ARHGAP10: variants seen among roughly 807,000 people sequenced by gnomAD.
The protein encoded by ARHGAP10 is rho GTPase-activating protein 10.
In ARHGAP10, 87 loss-of-function variants were observed where a neutral mutation model predicts 108.6. The ratio of observed to expected loss-of-function variants is 0.80; its 90% CI spans 0.67 to 0.96. The LOEUF is 0.96. Ranked by LOEUF, ARHGAP10 falls within the 40% of genes least tolerant of loss-of-function variation. The pLI, the probability that ARHGAP10 is intolerant of heterozygous loss-of-function variation, is 0.00. For missense variants in ARHGAP10, 939 were observed against 954.5 expected (o/e 0.98, Z 0.21); for synonymous variants, 347 against 341.1 (o/e 1.02, Z -0.19).
chr4:148,040,807 A>G (rs1357054524), intron 19 of ARHGAP10, among the ~76,000 whole-genome samples: 1 of 146,878 alleles, frequency 6.8e-6, no homozygotes, highest in Non-Finnish European at 1.5e-5. Flanking sequence ...ATTTATTAAA[A>G]AAGATTTGGG....
intron 18 of ARHGAP10, among the ~76,000 whole-genome samples, chr4:147,968,794 A>AT (rs967321449): frequency 6.6e-6 from 1 of 152,150 alleles, no homozygotes; most frequent in African/African-American, 2.4e-5. Flanking sequence ...TATTAAAAAG[A>AT]TTTTTTTAAA....
At chr4:147,774,824 C>G (rs1046643354) in intron 1 of ARHGAP10, among the ~76,000 whole-genome samples, 1 of 152,000 alleles carries the variant, frequency 6.6e-6, no homozygotes, top group African/African-American at 2.4e-5. Flanking sequence ...AGAGTCTCAA[C>G]AGGACCCCCA....
chr4:147,950,421 C>T (rs138989309), intron 15 of ARHGAP10, among the ~76,000 whole-genome samples: 29 of 152,288 alleles, frequency 1.9e-4, no homozygotes, highest in African/African-American at 5.8e-4. Flanking sequence ...AGCCAGCCTG[C>T]CTGCCAGGGT....
intron 10 of ARHGAP10, among the ~76,000 whole-genome samples, chr4:147,901,494 C>A (rs1579178840): frequency 6.6e-6 from 1 of 152,162 alleles, no homozygotes; most frequent in African/African-American, 2.4e-5. Context: ...GAATTCTTTC[C>A]TTGTGAATGA....
At chr4:147,966,960 G>A (rs57437177) in intron 18 of ARHGAP10, 121 bp downstream of exon 18, 110,228 of 917,204 alleles carry the variant, frequency 0.12, 12,523 homozygotes, top group African/African-American at 0.53. Context: ...CATTCTCACT[G>A]TGATGAGCTT....
At chr4:147,949,839 A>T (rs1376112460) in intron 15 of ARHGAP10, among the ~76,000 whole-genome samples, 1 of 56,730 alleles carries the variant, frequency 1.8e-5, no homozygotes, top group East Asian at 3.7e-4. Context: ...AATAAATTGC[A>T]TTCTTTTTTC....
intron 13 of ARHGAP10, among the ~76,000 whole-genome samples, chr4:147,915,689 T>A (rs2126925306): frequency 6.6e-6 from 1 of 152,360 alleles, no homozygotes; most frequent in South Asian, 2.1e-4. Flanking sequence ...ACAAAAAGCA[T>A]ATATTTTTCT....
chr4:148,034,420 T>G (rs548213486), intron 19 of ARHGAP10, among the ~76,000 whole-genome samples: 6 of 152,008 alleles, frequency 3.9e-5, no homozygotes, highest in African/African-American at 1.4e-4. Flanking sequence ...CAGGTTCAAG[T>G]GATTCTCCTG....
At chr4:147,858,411 T>C (rs929837738) in intron 5 of ARHGAP10, 3 of 152,216 alleles carry the variant, frequency 2.0e-5, no homozygotes, top group African/African-American at 4.8e-5. Context: ...TAAACACTTA[T>C]TGAAGTATTA....
intron 1 of ARHGAP10, among the ~76,000 whole-genome samples, chr4:147,811,877 G>A (rs185349416): frequency 9.2e-5 from 14 of 152,326 alleles, no homozygotes; most frequent in Admixed American, 7.8e-4. Flanking sequence ...GTACCCCTTA[G>A]CTTTTGGAGC....
intron 3 of ARHGAP10, among the ~76,000 whole-genome samples, chr4:147,845,750 G>T (rs1481884988): frequency 6.6e-6 from 1 of 152,164 alleles, no homozygotes; most frequent in Non-Finnish European, 1.5e-5. Flanking sequence ...AATGACACAG[G>T]TGCTCATGTA....
intron 22 of ARHGAP10, among the ~76,000 whole-genome samples, chr4:148,068,232 C>T (rs988261535): frequency 6.6e-5 from 10 of 152,142 alleles, no homozygotes; most frequent in Non-Finnish European, 4.4e-5. Flanking sequence ...AGGAGCGACC[C>T]CACGTGGCAG....
At chr4:147,874,887 G>A in intron 7 of ARHGAP10, 134 bp from the exon 8 acceptor site, 3 of 917,306 alleles carry the variant, frequency 3.3e-6, no homozygotes, top group Non-Finnish European at 1.5e-6. Context: ...AAGAATGGGG[G>A]TATTTTGAGA....
In ARHGAP10 at chr4:148,072,309, G is replaced by A. The variant is rs571444367; in HGVS notation, c.*228G>A. 4 of 442,064 alleles carry A rather than the reference G, an allele frequency of 9.0e-6. No homozygotes were observed. The East Asian group carries it at 1.4e-4, about 16-fold the overall frequency. 27.4% of individuals were successfully genotyped at this position (442,064 alleles called of 1,614,324 possible). On this transcript the variant is annotated 3_prime_UTR_variant, in exon 23 of 23. Transcript: ENST00000336498. The stretch of plus-strand genomic sequence containing the variant: ...AGGGGAATGTCAGGATTCGCAAAAT[G>A]GACTTTTCATTTGTCAAGTATTGGG...
At chr4:147,745,127 A>T (rs777975055) in intron 1 of ARHGAP10, among the ~76,000 whole-genome samples, 1 of 152,082 alleles carries the variant, frequency 6.6e-6, no homozygotes, top group African/African-American at 2.4e-5. Flanking sequence ...CATGCCACAG[A>T]GAGGTCAAGT....
chr4:147,968,955 A>G (rs1230568068), intron 18 of ARHGAP10, among the ~76,000 whole-genome samples: 1 of 152,234 alleles, frequency 6.6e-6, no homozygotes, highest in East Asian at 1.9e-4. Flanking sequence ...AATATGTTAC[A>G]TAACTTATTT....
chr4:148,005,144 T>G (rs1296491423), intron 18 of ARHGAP10, among the ~76,000 whole-genome samples: 1 of 152,218 alleles, frequency 6.6e-6, no homozygotes, highest in East Asian at 1.9e-4. Flanking sequence ...GCTAGGCACA[T>G]TTATGCCTCA....
intron 20 of ARHGAP10, among the ~76,000 whole-genome samples, chr4:148,058,035 A>G (rs914411036): frequency 5.3e-5 from 8 of 152,202 alleles, no homozygotes; most frequent in East Asian, 3.9e-4. Flanking sequence ...GAGCCAAACA[A>G]TGTGCTTGCG....
chr4:147,944,376 A>G (rs1738289854), intron 14 of ARHGAP10, among the ~76,000 whole-genome samples: 1 of 152,240 alleles, frequency 6.6e-6, no homozygotes, highest in Admixed American at 6.5e-5. Flanking sequence ...AGTTGCTGTA[A>G]TCAAGAAATG....
Sources: gnomAD v4.1 joint callset for allele counts (sites outside exome capture counted in the v4.1 genomes callset) on GRCh38, gnomAD v4.1.1 for gene constraint, MANE v1.5 for transcripts, NCBI Gene and HGNC (gene_info 2026-07-23, HGNC 2026-07-21) for gene names.